Variants in GSE1 observed in about 807,000 individuals in gnomAD.
GSE1 encodes Gse1 coiled-coil protein, also known as genetic suppressor element 1.
In GSE1, 32 loss-of-function variants were observed where a neutral mutation model predicts 112.6. The observed-to-expected ratio is 0.28, with a 90% CI of 0.21 to 0.38. The LOEUF is 0.38. Ranked by LOEUF, GSE1 falls within the 10% of genes least tolerant of loss-of-function variation. GSE1 has a pLI of 1.00. For synonymous variants in GSE1, 1,115 were observed against 735.6 expected (o/e 1.52, Z -8.35); for missense variants, 2,348 against 1,699.2 (o/e 1.38, Z -6.71).
intron 1 of GSE1, among the ~76,000 whole-genome samples, chr16:85,179,314 A>G (rs2074533648): frequency 6.6e-6 from 1 of 152,166 alleles, no homozygotes; most frequent in Non-Finnish European, 1.5e-5. Flanking sequence ...GGGTTCATCC[A>G]TGCTGTTGCG....
At chr16:85,389,396 G>T (rs1320475754) in intron 2 of GSE1, among the ~76,000 whole-genome samples, 1 of 149,282 alleles carries the variant, frequency 6.7e-6, no homozygotes, top group Admixed American at 6.8e-5. Flanking sequence ...GGCGGGGGAG[G>T]TTGCGGTGAG....
chr16:85,270,274 C>T (rs1317943385), intron 1 of GSE1, among the ~76,000 whole-genome samples: 1 of 148,958 alleles, frequency 6.7e-6, no homozygotes, highest in Non-Finnish European at 1.5e-5. Flanking sequence ...AGGCTCCCAG[C>T]ACATGCCTCT....
rs1164543057 is a variant in GSE1, at chr16:85,311,003, G to A, written c.2284-46460G>A. 6.6e-6 allele frequency among the ~76,000 whole-genome samples: 1 copy of A among 152,232 alleles called. No individual in the cohort carries two copies. Among genetic ancestry groups the A allele is most frequent in the Non-Finnish European group, 1.5e-5 (1 of 68,038 alleles). On this transcript the variant is annotated intron_variant, in intron 1 of 2. Coordinates refer to the GSE1 transcript ENST00000637419. This position sits in a 1 kb window ranked among gnomAD's most constrained non-coding sequence, Gnocchi z 4.2. Reference sequence around the variant, plus strand: ...AACCGGCAGGCAGGAGCAGTTTGAGGCTAAATATAAACCCAGCCGCCTTTC... The same window carrying A: ...AACCGGCAGGCAGGAGCAGTTTGAGACTAAATATAAACCCAGCCGCCTTTC...
At chr16:85,347,467 C>T (rs1414560121) in intron 1 of GSE1, among the ~76,000 whole-genome samples, 1 of 152,190 alleles carries the variant, frequency 6.6e-6, no homozygotes, top group Non-Finnish European at 1.5e-5. Flanking sequence ...TGCCCTGTGC[C>T]AGCCTTTCAA....
intron 1 of GSE1, among the ~76,000 whole-genome samples, chr16:85,187,408 G>A (rs2074727305): frequency 6.6e-6 from 1 of 152,258 alleles, no homozygotes; most frequent in South Asian, 2.1e-4. Context: ...CCGCTTCCTG[G>A]ACTGAGAGCC....
rs544079373 is a variant in GSE1 at position 85,185,646 on chromosome 16, G to A, written c.2283+13839G>A. Among the ~76,000 whole-genome samples the A allele has an allele frequency of 2.6e-5, 4 of 152,366 alleles. No homozygotes were observed. In the South Asian group the frequency reaches 6.2e-4, roughly 24 times the overall value. On this transcript the variant is annotated intron_variant, in intron 1 of 2. Transcript: ENST00000637419. The stretch of plus-strand genomic sequence containing the variant: ...TCTTCCCAGGACTCACATGTCATAA[G>A]AATTTCTCTGGATAGCAGGAGAAAC...
At chr16:85,450,986 A>ATTGCTTG (rs2151802254) in intron 2 of GSE1, among the ~76,000 whole-genome samples, 1 of 149,086 alleles carries the variant, frequency 6.7e-6, no homozygotes, top group East Asian at 2.1e-4. Flanking sequence ...AGGCAGGAGA[A>ATTGCTTG]TTGCTTGAAA....
rs75374206 is a variant in GSE1 at position 85,459,463 on chromosome 16, A to C, written c.2464+101820A>C. Among the ~76,000 whole-genome samples the C allele has an allele frequency of 2.0e-5, 3 of 152,332 alleles. No homozygotes were observed. The East Asian group carries it at 5.8e-4, about 29-fold the overall frequency. ...AACAATCTGGACGACTATACTTGGC[A>C]GCCCTTTTCCCTGGGCTCTTGTTGG... On this transcript the variant is annotated intron_variant, in intron 2 of 2. Transcript: ENST00000637419.
chr16:85,476,765 C>A (rs928571272), intron 2 of GSE1, among the ~76,000 whole-genome samples: 1 of 148,600 alleles, frequency 6.7e-6, no homozygotes, highest in Non-Finnish European at 1.5e-5. Flanking sequence ...TGCACCACCA[C>A]GCCTGACCAT....
At position 85,211,650 on chromosome 16, in the gene GSE1, T is replaced by C. The variant is rs921046233; in HGVS notation, c.2283+39843T>C. 7.9e-5 allele frequency among the ~76,000 whole-genome samples: 12 copies of C among 152,270 alleles called. 1 individual carries two copies. In the South Asian group the frequency reaches 1.7e-3, roughly 21 times the overall value. On this transcript the variant is annotated intron_variant, in intron 1 of 2. Coordinates refer to the GSE1 transcript ENST00000637419. Reference sequence around the variant, plus strand: ...ACCACTTGGAGCTGTGTGGTTCCCATCTGGCCTGGAGAGACCAGGGGTGGA... The same window carrying C: ...ACCACTTGGAGCTGTGTGGTTCCCACCTGGCCTGGAGAGACCAGGGGTGGA...
At chr16:85,639,329 TCCC>T in intron 2 of GSE1, among the ~76,000 whole-genome samples, 1 of 152,034 alleles carries the variant, frequency 6.6e-6, no homozygotes, top group Non-Finnish European at 1.5e-5. Context: ...GGCCACCGCC[TCCC>T]TCCCTGCCTC....
intron 1 of GSE1, among the ~76,000 whole-genome samples, chr16:85,233,145 T>A (rs1484775418): frequency 6.6e-6 from 1 of 152,258 alleles, no homozygotes; most frequent in Non-Finnish European, 1.5e-5. Context: ...CCAGTCCTGG[T>A]CTTCTCATCC....
At chr16:85,500,312 T>C (rs1349657264) in intron 2 of GSE1, among the ~76,000 whole-genome samples, 5 of 152,194 alleles carry the variant, frequency 3.3e-5, no homozygotes, top group Admixed American at 1.3e-4. Context: ...GATAAACAGA[T>C]CTTTGCATCC....
chr16:85,331,357 G>GTATATATA (rs1161946667), intron 1 of GSE1, among the ~76,000 whole-genome samples: 2,338 of 56,958 alleles, frequency 0.041, 221 homozygotes, highest in East Asian at 0.11. Flanking sequence ...GTGTGTGTGT[G>GTATATATA]TGTGTGTGTA....
chr16:85,329,358 G>A (rs1184224830), intron 1 of GSE1, among the ~76,000 whole-genome samples: 3 of 152,174 alleles, frequency 2.0e-5, no homozygotes, highest in South Asian at 4.1e-4. Context: ...TGCTAGGGGC[G>A]GCGTGGGGAA....
At chr16:85,334,349 A>T (rs2046438098) in intron 1 of GSE1, among the ~76,000 whole-genome samples, 1 of 152,158 alleles carries the variant, frequency 6.6e-6, no homozygotes, top group Non-Finnish European at 1.5e-5. Flanking sequence ...CATTTCTGGA[A>T]CTGAGTTTGG....
intron 1 of GSE1, among the ~76,000 whole-genome samples, chr16:85,587,182 A>G (rs932951783): frequency 1.4e-5 from 2 of 143,242 alleles, no homozygotes; most frequent in Admixed American, 6.9e-5. Flanking sequence ...CCCCCCCCCC[A>G]GACCAGACCC....
At chr16:85,190,590 G>C (rs2143436905) in intron 1 of GSE1, among the ~76,000 whole-genome samples, 1 of 152,360 alleles carries the variant, frequency 6.6e-6, no homozygotes, top group East Asian at 1.9e-4. Flanking sequence ...CACTTTAACA[G>C]GACTCCAAGG....
intron 2 of GSE1, among the ~76,000 whole-genome samples, chr16:85,521,650 C>A (rs935082859): frequency 7.9e-5 from 12 of 152,238 alleles, no homozygotes; most frequent in Admixed American, 7.9e-4. Flanking sequence ...GTGTTTGCAG[C>A]CTCCCTGTCC....
Sources: allele counts gnomAD v4.1 joint callset (sites outside exome capture counted in the v4.1 genomes callset), GRCh38; gene constraint gnomAD v4.1.1; non-coding constraint Gnocchi (gnomAD v3.1); transcripts MANE v1.5; gene names NCBI Gene and HGNC (gene_info 2026-07-23, HGNC 2026-07-21).